The following EPHB1 variants were observed in gnomAD, a reference collection of about 807,000 sequenced individuals.
EPHB1 encodes the protein EPH receptor B1.
A neutral mutation model predicts 94.4 loss-of-function variants in EPHB1; 30 were observed. The observed-to-expected ratio is 0.32, with a 90% confidence interval of 0.24 to 0.43. The LOEUF (loss-of-function observed/expected upper bound fraction) is 0.43. EPHB1 is among the 20% of genes least tolerant of loss of function. EPHB1 has a pLI of 1.00. For synonymous variants in EPHB1, 522 were observed against 489.1 expected (o/e 1.07, Z -0.89); for missense variants, 1,055 against 1,308.3 (o/e 0.81, Z 2.99).
chr3:135,143,983 C>T (rs2107691315), intron 5 of EPHB1, among the ~76,000 whole-genome samples: 1 of 152,324 alleles, frequency 6.6e-6, no homozygotes, highest in South Asian at 2.1e-4. Flanking sequence ...GCTCTGCACA[C>T]TTCCACCATA....
At chr3:135,042,429 T>C (rs978056912) in intron 3 of EPHB1, among the ~76,000 whole-genome samples, 1 of 152,198 alleles carries the variant, frequency 6.6e-6, no homozygotes, top group Admixed American at 6.5e-5. Flanking sequence ...CAAAGAACAG[T>C]ATTTTAGTGT....
chr3:134,810,395 C>T (rs1237837314), intron 1 of EPHB1, among the ~76,000 whole-genome samples: 3 of 151,876 alleles, frequency 2.0e-5, no homozygotes, highest in African/African-American at 7.3e-5. Context: ...GGTGCTGCTT[C>T]TTTAACAGCA....
intron 1 of EPHB1, among the ~76,000 whole-genome samples, chr3:134,876,747 T>G (rs1217097842): frequency 6.6e-6 from 1 of 152,150 alleles, no homozygotes; most frequent in East Asian, 1.9e-4. Context: ...TGAGCCTCAC[T>G]GAGTCACGTG....
intron 3 of EPHB1, among the ~76,000 whole-genome samples, chr3:135,093,576 G>T (rs77861817): frequency 0.011 from 1,598 of 152,070 alleles, 25 homozygotes; most frequent in African/African-American, 0.037. Flanking sequence ...AAAATAATTA[G>T]CCAGGCCTGG....
intron 9 of EPHB1, among the ~76,000 whole-genome samples, chr3:135,179,295 C>G (rs1394652478): frequency 1.3e-5 from 2 of 152,050 alleles, no homozygotes; most frequent in Non-Finnish European, 2.9e-5. Flanking sequence ...CTAAGCTTTT[C>G]TCTTCACATT....
intron 1 of EPHB1, among the ~76,000 whole-genome samples, chr3:134,853,602 A>G (rs1213572518): frequency 1.3e-5 from 2 of 152,218 alleles, no homozygotes; most frequent in Non-Finnish European, 2.9e-5. Context: ...GCAAGTGACT[A>G]TTGAGAAGGA....
At chr3:134,849,627 T>C (rs1210001702) in intron 1 of EPHB1, among the ~76,000 whole-genome samples, 1 of 152,066 alleles carries the variant, frequency 6.6e-6, no homozygotes, top group Non-Finnish European at 1.5e-5. Flanking sequence ...TAGTGGCACA[T>C]GAAAATGCAG....
chr3:135,099,162 CTTCAGTGAACACTCA>C (rs1938931371), intron 3 of EPHB1, among the ~76,000 whole-genome samples: 1 of 151,974 alleles, frequency 6.6e-6, no homozygotes, highest in African/African-American at 2.4e-5. Flanking sequence ...CACAGCAGTC[CTTCAGTGAACACTCA>C]CTCAATTAGC....
chr3:134,814,660 C>G (rs1421051593), intron 1 of EPHB1, among the ~76,000 whole-genome samples: 1 of 152,224 alleles, frequency 6.6e-6, no homozygotes, highest in Non-Finnish European at 1.5e-5. Flanking sequence ...TCTTCAGTGA[C>G]TTGTGCCTCT....
chr3:135,173,831 A>G (rs549024268), intron 9 of EPHB1, among the ~76,000 whole-genome samples: 1 of 152,176 alleles, frequency 6.6e-6, no homozygotes, highest in Non-Finnish European at 1.5e-5. Flanking sequence ...CTAAAACCAC[A>G]TGTGCCAGCC....
chr3:134,999,690 T>C (rs1203205694), intron 3 of EPHB1, among the ~76,000 whole-genome samples: 1 of 152,098 alleles, frequency 6.6e-6, no homozygotes, highest in African/African-American at 2.4e-5. Flanking sequence ...GATGAGAGGA[T>C]TGCCTGGCAG....
At chr3:135,201,779 A>C in intron 12 of EPHB1, 90 bp downstream of exon 12, 1 of 1,277,764 alleles carries the variant, frequency 7.8e-7, no homozygotes, top group East Asian at 2.4e-5. Flanking sequence ...GCACACTGGG[A>C]GGGAATGGAA....
Position 135,173,693 on chromosome 3 carries a change from G to GC in EPHB1, c.1760-6165dup, listed in dbSNP as rs573443724. ...ACTCCAAGAAACTGCCCAGTCTTCA[G>GC]CCTTCCTGCTACCACCCGTGTGCCT... On this transcript the variant is annotated intron_variant, in intron 9 of 15. Coordinates refer to ENST00000398015, the MANE Select transcript of EPHB1 (RefSeq NM_004441.5). 6.0e-3 allele frequency among the ~76,000 whole-genome samples: 914 copies of GC among 152,288 alleles called. 11 individuals are homozygous for GC. Among genetic ancestry groups the GC allele is most frequent in the African/African-American group, 0.021 (870 of 41,560 alleles).
chr3:134,936,326 A>G (rs1053275849), intron 2 of EPHB1, among the ~76,000 whole-genome samples: 2 of 152,190 alleles, frequency 1.3e-5, no homozygotes, highest in Admixed American at 6.5e-5. Context: ...AAAGAGCAGC[A>G]AGTCAAAGAG....
chr3:134,910,296 G>T (rs1449485799), intron 1 of EPHB1, among the ~76,000 whole-genome samples: 3 of 152,178 alleles, frequency 2.0e-5, no homozygotes, highest in African/African-American at 7.2e-5. Context: ...AGGAGGGCAG[G>T]AGGGACTCTA....
intron 1 of EPHB1, among the ~76,000 whole-genome samples, chr3:134,817,001 A>G (rs371313265): frequency 9.2e-5 from 14 of 152,084 alleles, no homozygotes; most frequent in African/African-American, 3.1e-4. Context: ...ACTTCCTCCC[A>G]TCTCACCAGG....
intron 1 of EPHB1, among the ~76,000 whole-genome samples, chr3:134,907,561 A>G (rs1032512991): frequency 6.6e-6 from 1 of 152,176 alleles, no homozygotes; most frequent in African/African-American, 2.4e-5. Flanking sequence ...GAGGGATGCA[A>G]GTGCTTTGCT....
intron 5 of EPHB1, among the ~76,000 whole-genome samples, chr3:135,147,673 A>G (rs190743130): frequency 2.4e-3 from 361 of 152,268 alleles, no homozygotes; most frequent in African/African-American, 8.1e-3. Context: ...TGTGTTGGGG[A>G]GGCAGATGGC....
rs1559870928 is a variant in EPHB1 at position 135,196,360 on chromosome 3, C to G, written c.2130+3537C>G. ...CACCAGCATTTCTCATGTTGATGAG[C>G]TGAGCTTGCAGGGGAAGAAAACCTG... On this transcript the variant is annotated intron_variant, in intron 11 of 15. Coordinates refer to ENST00000398015, the MANE Select transcript of EPHB1 (RefSeq NM_004441.5). Among the ~76,000 whole-genome samples the G allele has an allele frequency of 2.0e-5, 3 of 152,040 alleles. No individual in the cohort carries two copies. The South Asian group carries it at 6.2e-4, about 32-fold the overall frequency.
Sources: allele counts gnomAD v4.1 joint callset (sites outside exome capture counted in the v4.1 genomes callset), GRCh38; gene constraint gnomAD v4.1.1; transcripts MANE v1.5; gene names NCBI Gene and HGNC (gene_info 2026-07-23, HGNC 2026-07-21).